The following ST6GALNAC2 variants were observed in gnomAD, a reference collection of about 807,000 sequenced individuals.
ST6GALNAC2 encodes alpha-N-acetylgalactosaminide alpha-2,6-sialyltransferase 2.
A neutral mutation model predicts 38.7 loss-of-function variants in ST6GALNAC2; 42 were observed. That is an observed-to-expected ratio of 1.09 (90% confidence interval 0.85 to 1.40). The LOEUF is 1.40. Among genes scored for constraint, ST6GALNAC2 ranks in the 40% most tolerant of loss-of-function variants. The pLI, the probability that ST6GALNAC2 is intolerant of heterozygous loss-of-function variation, is 0.00. For missense variants in ST6GALNAC2, 506 were observed against 481.7 expected, an observed-to-expected ratio of 1.05 and a Z score of -0.47; for synonymous variants, 233 against 209.0, an observed-to-expected ratio of 1.11 and a Z score of -0.99.
intron 1 of ST6GALNAC2, 36 bp from the exon 2 acceptor site, chr17:76,578,852 G>C: frequency 6.3e-7 from 1 of 1,594,588 alleles, no homozygotes; most frequent in Non-Finnish European, 8.6e-7. Flanking sequence ...GGGGTCAGCA[G>C]CTCTGACCTA....
intron 1 of ST6GALNAC2, among the ~76,000 whole-genome samples, chr17:76,581,666 G>C (rs1004143328): frequency 7.2e-5 from 11 of 152,080 alleles, no homozygotes; most frequent in African/African-American, 2.7e-4. Flanking sequence ...ACTTCTCCCA[G>C]CCCCGCTCCT....
chr17:76,568,027 C>T (rs914107543), intron 7 of ST6GALNAC2: 1 of 169,862 alleles, frequency 5.9e-6, no homozygotes, highest in African/African-American at 2.4e-5. Flanking sequence ...CACCTGACCT[C>T]TCAGAGCCTG....
At chr17:76,584,954 C>T (rs144071558) in intron 1 of ST6GALNAC2, among the ~76,000 whole-genome samples, 1 of 152,222 alleles carries the variant, frequency 6.6e-6, no homozygotes, top group Non-Finnish European at 1.5e-5. Context: ...CTTCAGTCAC[C>T]GGAACCACCA....
At chr17:76,578,649 A>T in intron 2 of ST6GALNAC2, 107 bp downstream of exon 2, 1 of 1,075,616 alleles carries the variant, frequency 9.3e-7, no homozygotes, top group Non-Finnish European at 1.4e-6. Context: ...CGTTCCAAAG[A>T]GCTCCTGCCC....
chr17:76,576,114 G>A (rs1248911409), intron 2 of ST6GALNAC2, among the ~76,000 whole-genome samples: 1 of 152,164 alleles, frequency 6.6e-6, no homozygotes, highest in Non-Finnish European at 1.5e-5. Flanking sequence ...CAGGCATGGT[G>A]GCCCAGACCT....
At chr17:76,584,769 C>T (rs2075523945) in intron 1 of ST6GALNAC2, among the ~76,000 whole-genome samples, 1 of 152,172 alleles carries the variant, frequency 6.6e-6, no homozygotes. Context: ...GTTTTCATCC[C>T]GTTAGCCCCC....
rs1351318701 is a variant in ST6GALNAC2 at position 76,573,184 on chromosome 17, A to G, written c.530+11T>C. Reference sequence around the variant, plus strand: ...TCCCTCCCGCCCCTCCCCAGCTCCTACCCCTCATACCTGAATACATAGTCA... The same window carrying G: ...TCCCTCCCGCCCCTCCCCAGCTCCTGCCCCTCATACCTGAATACATAGTCA... On this transcript the variant is annotated intron_variant, in intron 4 of 8. Coordinates refer to ENST00000225276, the MANE Select transcript of ST6GALNAC2 (RefSeq NM_006456.3). The surrounding 1 kb of genome is among the most constrained non-coding windows in gnomAD (Gnocchi z 5.1). 2 of 1,602,830 alleles carry G rather than the reference A, an allele frequency of 1.2e-6. No individual in the cohort carries two copies.
At position 76,585,718 on chromosome 17, in the gene ST6GALNAC2, C is replaced by T. The variant is rs1362061862; in HGVS notation, c.91G>A (p.Val31Met). The stretch of plus-strand genomic sequence containing the variant: ...GCCGCTGGCCCCGGGTACCGCTGCA[C>T]CGCCGAGAAGTACAGGGCAAAGAGG... The part of the protein sequence containing the change: ...GLLFALYFSA[V>M]QRYPGPAAGA... The change falls in exon 1 of 9, where the codon GTG becomes ATG. Residue 31 changes from valine (V) to methionine (M), a missense_variant. By Grantham distance (21) the Val-to-Met change is conservative. Transcript: ENST00000225276. 4 of 1,536,158 alleles carry T rather than the reference C, an allele frequency of 2.6e-6. No homozygotes were observed. The highest frequency in any genetic ancestry group is 1.2e-5 in the South Asian group (1 of 83,490).
At chr17:76,566,671 C>T (rs529314276) in intron 8 of ST6GALNAC2, among the ~76,000 whole-genome samples, 9 of 145,020 alleles carry the variant, frequency 6.2e-5, no homozygotes, top group Non-Finnish European at 1.1e-4. Context: ...GCCTGGGCAA[C>T]ATGGTAAGAC....
chr17:76,575,352 T>A (rs2075403794), intron 2 of ST6GALNAC2, among the ~76,000 whole-genome samples: 2 of 152,128 alleles, frequency 1.3e-5, no homozygotes, highest in Non-Finnish European at 1.5e-5. Flanking sequence ...ACCCAGAGCC[T>A]TGGAATGTGA....
intron 1 of ST6GALNAC2, among the ~76,000 whole-genome samples, chr17:76,584,521 C>G (rs894667276): frequency 2.0e-5 from 3 of 152,170 alleles, no homozygotes; most frequent in African/African-American, 7.2e-5. Flanking sequence ...TCTCTGTCAA[C>G]CAGGCTGGAA....
chr17:76,578,782 T>C lies in ST6GALNAC2; in HGVS notation c.160A>G (p.Lys54Glu), dbSNP rs377185240. 1 of 1,613,390 alleles carries C rather than the reference T, an allele frequency of 6.2e-7. No individual in the cohort carries two copies. The highest frequency in any genetic ancestry group is 8.5e-7 in the Non-Finnish European group (1 of 1,179,800). Residue 54 changes from lysine to glutamate, a missense_variant, in exon 2 of 9, where the codon AAG (lysine) becomes GAG (glutamate). Coordinates refer to ENST00000225276, the MANE Select transcript of ST6GALNAC2 (RefSeq NM_006456.3). ...TTTCCTGTCCAAGAATTCGATGCCT[T>C]GGATTGAAAGAATGCTTCAAATGAT... ...TTSFEAFFQS[K>E]ASNSWTGKGQ...
chr17:76,583,931 C>G (rs2075510976), intron 1 of ST6GALNAC2, among the ~76,000 whole-genome samples: 1 of 147,684 alleles, frequency 6.8e-6, no homozygotes, highest in African/African-American at 2.5e-5. Context: ...CCTCAGCCTC[C>G]CGAGTAGCTG....
intron 1 of ST6GALNAC2, among the ~76,000 whole-genome samples, chr17:76,579,887 G>A (rs1361009082): frequency 6.6e-6 from 1 of 152,094 alleles, no homozygotes; most frequent in Non-Finnish European, 1.5e-5. Flanking sequence ...TCTGTTTTTT[G>A]TAAATGATCC....
chr17:76,573,568 ACTTGT>A lies in ST6GALNAC2; in HGVS notation c.362-210_362-206del, dbSNP rs1414818427. Reference sequence around the variant, plus strand: ...TGGAAGAGGGGGCTTGGCGGCCTTCACTTGTCTTAAGAACTTGAATACCTTATCTT... The same window carrying A: ...TGGAAGAGGGGGCTTGGCGGCCTTCACTTAAGAACTTGAATACCTTATCTT... On this transcript the variant is annotated intron_variant, in intron 3 of 8. Transcript: ENST00000225276. This position sits in a 1 kb window ranked among gnomAD's most constrained non-coding sequence, Gnocchi z 5.1. Among the ~76,000 whole-genome samples, 1 of 152,120 alleles carries A rather than the reference ACTTGT, an allele frequency of 6.6e-6. No homozygotes were observed. The highest frequency in any genetic ancestry group is 2.4e-5 in the African/African-American group (1 of 41,418).
At chr17:76,574,256 G>C (rs2075386889) in intron 3 of ST6GALNAC2, 109 bp downstream of exon 3, 1 of 1,294,420 alleles carries the variant, frequency 7.7e-7, no homozygotes, top group Admixed American at 2.3e-5. Flanking sequence ...GGGGGACAGG[G>C]AGACCTGGCA....
At chr17:76,578,046 T>G (rs1006701700) in intron 2 of ST6GALNAC2, among the ~76,000 whole-genome samples, 4 of 152,142 alleles carry the variant, frequency 2.6e-5, no homozygotes, top group African/African-American at 9.7e-5. Flanking sequence ...AAGCCTGTAT[T>G]AATCCAGAAC....
At position 76,573,182 on chromosome 17, in the gene ST6GALNAC2, C is replaced by T. The variant is rs759002318; in HGVS notation, c.530+13G>A. The T allele has an allele frequency of 6.2e-7, 1 of 1,607,306 alleles. No individual in the cohort carries two copies. The highest frequency in any genetic ancestry group is 8.5e-7 in the Non-Finnish European group (1 of 1,176,516). On this transcript the variant is annotated intron_variant, in intron 4 of 8. Coordinates refer to ENST00000225276, the MANE Select transcript of ST6GALNAC2 (RefSeq NM_006456.3). This position sits in a 1 kb window ranked among gnomAD's most constrained non-coding sequence, Gnocchi z 5.1. Reference sequence around the variant, plus strand: ...TCTCCCTCCCGCCCCTCCCCAGCTCCTACCCCTCATACCTGAATACATAGT... The same window carrying T: ...TCTCCCTCCCGCCCCTCCCCAGCTCTTACCCCTCATACCTGAATACATAGT...
chr17:76,574,351 C>CG lies in ST6GALNAC2; in HGVS notation c.361+13dup. On this transcript the variant is annotated intron_variant, in intron 3 of 8. Transcript: ENST00000225276. Reference sequence around the variant, plus strand: ...AAGGCAGAAGGCAGGTGAGAGACAGCGGGCGCGGGTTACCTTGGTGAGAGA... The same window carrying CG: ...AAGGCAGAAGGCAGGTGAGAGACAGCGGGGCGCGGGTTACCTTGGTGAGAGA... 1 of 1,605,538 alleles carries CG rather than the reference C, an allele frequency of 6.2e-7. No individual in the cohort carries two copies. Among genetic ancestry groups the CG allele is most frequent in the Non-Finnish European group, 8.5e-7 (1 of 1,174,944 alleles).
Sources: allele counts gnomAD v4.1 joint callset (sites outside exome capture counted in the v4.1 genomes callset), GRCh38; gene constraint gnomAD v4.1.1; non-coding constraint Gnocchi (gnomAD v3.1); transcripts MANE v1.5; gene names NCBI Gene and HGNC (gene_info 2026-07-23, HGNC 2026-07-21).